ASXL3: variants seen among roughly 807,000 people sequenced by gnomAD.
ASXL3 encodes the protein ASXL transcriptional regulator 3.
A neutral mutation model predicts 170.6 loss-of-function variants in ASXL3; 34 were observed. The ratio of observed to expected loss-of-function variants is 0.20; its 90% CI spans 0.15 to 0.27. The LOEUF is 0.27. Ranked by LOEUF, ASXL3 falls within the 10% of genes least tolerant of loss-of-function variation. The probability of loss-of-function intolerance (pLI) is 1.00; values close to 1 mark genes in which losing one functional copy is unlikely to be tolerated. For synonymous variants in ASXL3, 1,002 were observed against 989.1 expected (o/e 1.01, Z -0.24); for missense variants, 2,592 against 2,695.3 (o/e 0.96, Z 0.85).
At chr18:33,639,765 G>T (rs187284662) in intron 2 of ASXL3, among the ~76,000 whole-genome samples, 2 of 152,200 alleles carry the variant, frequency 1.3e-5, no homozygotes, top group Non-Finnish European at 2.9e-5. Context: ...AATAGGATAA[G>T]AGTTCTAAAT....
chr18:33,579,752 C>A (rs2064977332), intron 1 of ASXL3, among the ~76,000 whole-genome samples: 1 of 151,982 alleles, frequency 6.6e-6, no homozygotes, highest in Non-Finnish European at 1.5e-5. Context: ...ATAAATTAAA[C>A]ATTTATTCGC....
intron 11 of ASXL3, among the ~76,000 whole-genome samples, chr18:33,742,543 T>C (rs1334270182): frequency 6.6e-6 from 1 of 152,178 alleles, no homozygotes; most frequent in Non-Finnish European, 1.5e-5. Context: ...TATTTCAAAA[T>C]TAAATATCTT....
chr18:33,740,393 C>T lies in ASXL3; in HGVS notation c.2989C>T (p.Pro997Ser), dbSNP rs1450017088. Residue 997 changes from proline to serine, a missense_variant, in exon 11 of 12, where the codon CCT (proline) becomes TCT (serine). This residue lies in a region of ASXL3 where 2,246 missense variants were observed against 2,219.6 expected (regional missense o/e 1.01). Coordinates refer to ENST00000269197, the MANE Select transcript of ASXL3 (RefSeq NM_030632.3). ...STRNISSSSP[P>S]EKEQPPREEP... is the part of the protein sequence containing the mutation. ...CCGGAACATATCATCTAGCAGCCCA[C>T]CTGAGAAAGAACAGCCTCCCAGAGA... is the stretch of plus-strand genomic sequence containing the variant. 4.4e-6 allele frequency: 7 copies of T among 1,603,862 alleles called. No individual in the cohort carries two copies. In the Admixed American group the frequency reaches 1.0e-4, roughly 24 times the overall value.
Position 33,745,874 on chromosome 18 carries a change from T to C in ASXL3, c.6026T>C (p.Met2009Thr). Residue 2009 changes from methionine (M) to threonine (T), a missense_variant, in exon 12 of 12, where the codon ATG (methionine) becomes ACG (threonine). Transcript: ENST00000269197. ...GDEVGGTAHT[M>T]PNKALVHPPP... ...GAGGTGGGAGGCACTGCACACACAA[T>C]GCCAAACAAAGCACTAGTACATCCG... 1 of 1,613,572 alleles carries C rather than the reference T, an allele frequency of 6.2e-7. No individual in the cohort carries two copies. Among genetic ancestry groups the C allele is most frequent in the Non-Finnish European group, 8.5e-7 (1 of 1,179,852 alleles).
chr18:33,695,596 A>G (rs376682128), intron 8 of ASXL3, among the ~76,000 whole-genome samples: 4 of 152,292 alleles, frequency 2.6e-5, no homozygotes, highest in African/African-American at 9.6e-5. Flanking sequence ...AAATAACTAT[A>G]GACTCAATTA....
Position 33,739,166 on chromosome 18 carries a change from A to G in ASXL3, c.1762A>G (p.Ile588Val), listed in dbSNP as rs368660406. Residue 588 changes from isoleucine (I) to valine (V), a missense_variant, in exon 11 of 12, where the codon ATT becomes GTT. Physicochemically the swap from Ile to Val is conservative, Grantham distance 29. This residue lies in a region of ASXL3 where 2,246 missense variants were observed against 2,219.6 expected (regional missense o/e 1.01). Transcript: ENST00000269197. ...AGAAGGCCAGTTTCCAAATGAAGGA[A>G]TTGCTATAGATATGGAGCTACAGAG... is the stretch of plus-strand genomic sequence containing the variant. ...SLEGQFPNEG[I>V]AIDMELQSDP... 1.2e-6 allele frequency: 2 copies of G among 1,613,798 alleles called. No individual in the cohort carries two copies. Among genetic ancestry groups the G allele is most frequent in the African/African-American group, 1.3e-5 (1 of 75,064 alleles).
In ASXL3 at chr18:33,743,372, T is replaced by G. The variant is rs1158202886; in HGVS notation, c.3524T>G (p.Leu1175Arg). The change falls in exon 12 of 12, where the codon CTC (leucine) becomes CGC (arginine). Residue 1175 changes from leucine to arginine, a missense_variant. Physicochemically the swap from Leu to Arg is moderately radical, Grantham distance 102. Coordinates refer to ENST00000269197, the MANE Select transcript of ASXL3 (RefSeq NM_030632.3). ...TCTCCTAGCAACAAGTCTGCCCACC[T>G]CCGGGAGACCACCACTGTACTACAG... Reference protein sequence around the residue: ...CRSPSNKSAHLRETTTVLQQS... With the variant: ...CRSPSNKSAHRRETTTVLQQS... 6.2e-7 allele frequency: 1 copy of G among 1,613,196 alleles called. No individual in the cohort carries two copies. Among genetic ancestry groups the G allele is most frequent in the Non-Finnish European group, 8.5e-7 (1 of 1,179,852 alleles).
chr18:33,724,354 G>T (rs1941685), intron 8 of ASXL3, among the ~76,000 whole-genome samples: 90,826 of 151,890 alleles, frequency 0.6, 28,311 homozygotes, highest in East Asian at 0.88. Flanking sequence ...TTAATATTTT[G>T]TCACTATTTA....
intron 8 of ASXL3, among the ~76,000 whole-genome samples, chr18:33,721,678 T>A (rs1453890544): frequency 1.3e-5 from 2 of 152,144 alleles, no homozygotes; most frequent in African/African-American, 4.8e-5. Flanking sequence ...AAATTTACTT[T>A]GTGTTCACTT....
rs370620373 is a variant in ASXL3 at position 33,739,604 on chromosome 18, A to G, written c.2200A>G (p.Met734Val). 3.5e-5 allele frequency: 56 copies of G among 1,613,946 alleles called. No individual in the cohort carries two copies. The African/African-American group carries it at 4.9e-4, about 14-fold the overall frequency. The change falls in exon 11 of 12, where the codon ATG (methionine) becomes GTG (valine). Residue 734 changes from methionine (M) to valine (V), a missense_variant. By Grantham distance (21) the Met-to-Val change is conservative (BLOSUM62 1). Around this residue, in one of 4 missense-constraint regions of ASXL3, gnomAD observed 2,246 missense variants for 2,219.6 expected, o/e 1.01. Coordinates refer to ENST00000269197, the MANE Select transcript of ASXL3 (RefSeq NM_030632.3). ...ATCAGAAACTTCTTCAGTGTCTTCC[A>G]TGCTTCTCACCTCTGAGACCACTTT... Reference protein sequence around the residue: ...LTSETSSVSSMLLTSETTFVS... With the variant: ...LTSETSSVSSVLLTSETTFVS...
chr18:33,623,334 G>A (rs2065547046), intron 2 of ASXL3, among the ~76,000 whole-genome samples: 1 of 152,106 alleles, frequency 6.6e-6, no homozygotes, highest in Admixed American at 6.6e-5. Context: ...TCCCCATGGT[G>A]TCCTTGTTAA....
chr18:33,708,967 G>T (rs1430326311), intron 8 of ASXL3, among the ~76,000 whole-genome samples: 1 of 152,022 alleles, frequency 6.6e-6, no homozygotes, highest in Non-Finnish European at 1.5e-5. Context: ...TCTATCAATT[G>T]GGAAAACATA....
chr18:33,722,878 A>G (rs1176325379), intron 8 of ASXL3, among the ~76,000 whole-genome samples: 1 of 152,156 alleles, frequency 6.6e-6, no homozygotes, highest in Non-Finnish European at 1.5e-5. Context: ...AGTGGAAACC[A>G]GTGCTCATTT....
chr18:33,633,631 C>T (rs1244826228), intron 2 of ASXL3, among the ~76,000 whole-genome samples: 2 of 151,826 alleles, frequency 1.3e-5, no homozygotes, highest in South Asian at 2.1e-4. Context: ...ATCATGAGGT[C>T]GGGAGATTGA....
chr18:33,683,788 A>G (rs2066550531), intron 8 of ASXL3: 1 of 400,242 alleles, frequency 2.5e-6, no homozygotes, highest in Admixed American at 4.5e-5. Flanking sequence ...ACATTGTGGT[A>G]GAGTGAAAAC....
intron 1 of ASXL3, among the ~76,000 whole-genome samples, chr18:33,580,554 TTACTC>T (rs1354844145): frequency 6.6e-6 from 1 of 152,246 alleles, no homozygotes; most frequent in Non-Finnish European, 1.5e-5. Flanking sequence ...ATAAATAACA[TTACTC>T]TGATGGAATT....
At chr18:33,605,611 T>C (rs984953902) in intron 1 of ASXL3, 1 of 152,192 alleles carries the variant, frequency 6.6e-6, no homozygotes, top group African/African-American at 2.4e-5. Flanking sequence ...GCTGCCCAGG[T>C]GTGCTGAGGG....
chr18:33,737,824 G>A (rs1239518945), intron 10 of ASXL3, among the ~76,000 whole-genome samples: 1 of 152,036 alleles, frequency 6.6e-6, no homozygotes, highest in Non-Finnish European at 1.5e-5. Context: ...TTCAATTTCA[G>A]AATTTGATGA....
rs1041323274 is a variant in ASXL3, at chr18:33,672,495, TAGAA to T, written c.715+633_715+636del. The stretch of plus-strand genomic sequence containing the variant: ...TTCAGGGAGAAAAGAGCATGAGAAT[TAGAA>T]AGACAAAAATAAACATATCCTGGTT... On this transcript the variant is annotated intron_variant, in intron 7 of 11. Coordinates refer to ENST00000269197, the MANE Select transcript of ASXL3 (RefSeq NM_030632.3). Among the ~76,000 whole-genome samples, 10 of 152,158 alleles carry T rather than the reference TAGAA, an allele frequency of 6.6e-5. No individual in the cohort carries two copies. In the East Asian group the frequency reaches 1.7e-3, roughly 26 times the overall value.
Sources: gnomAD v4.1 joint callset for allele counts (sites outside exome capture counted in the v4.1 genomes callset) on GRCh38, gnomAD v4.1.1 for gene constraint, gnomAD v4.1.1 regional missense constraint, MANE v1.5 for transcripts, NCBI Gene and HGNC (gene_info 2026-07-23, HGNC 2026-07-21) for gene names.